The following CDV3 variants were observed in gnomAD, a reference collection of about 807,000 sequenced individuals.
CDV3 encodes protein CDV3 homolog.
A neutral mutation model predicts 24.5 loss-of-function variants in CDV3; 14 were observed. That is an observed-to-expected ratio of 0.57 (90% CI 0.38 to 0.89). The LOEUF (loss-of-function observed/expected upper bound fraction) is 0.89. CDV3 is among the 40% of genes least tolerant of loss of function. The pLI is 0.00. For synonymous variants in CDV3, 114 were observed against 114.1 expected, an observed-to-expected ratio of 1.00 and a Z score of 0.00; for missense variants, 304 against 310.2, an observed-to-expected ratio of 0.98 and a Z score of 0.15.
At chr3:133,579,610 T>C (rs1044945069) in intron 2 of CDV3, among the ~76,000 whole-genome samples, 2 of 152,010 alleles carry the variant, frequency 1.3e-5, no homozygotes, top group African/African-American at 4.8e-5. Flanking sequence ...TTTTTTTTTT[T>C]GATAGAGTTT....
At position 133,574,024 on chromosome 3, in the gene CDV3, C is replaced by T. The variant is rs1295900066; in HGVS notation, c.-21C>T. 6 of 1,103,010 alleles carry T rather than the reference C, an allele frequency of 5.4e-6. No individual in the cohort carries two copies. In the South Asian group the frequency reaches 1.5e-4, roughly 27 times the overall value. 68.3% of individuals were successfully genotyped at this position (1,103,010 alleles called of 1,614,324 possible). A position where few individuals can be genotyped will look rare whatever the true frequency, so the allele number is the denominator to read the frequency against. ...GCGCCCGCCGCCGGCCCCACCCATC[C>T]GGGTCGAGGAGGCCGAGGCCATGGC... On this transcript the variant is annotated 5_prime_UTR_variant, in exon 1 of 5. Transcript: ENST00000264993.
chr3:133,574,433 C>T, intron 1 of CDV3, 149 bp downstream of exon 1: 5 of 984,812 alleles, frequency 5.1e-6, no homozygotes, highest in Non-Finnish European at 6.0e-6. Flanking sequence ...CTCTCCACCT[C>T]GGGCTGGGCT....
Position 133,588,169 on chromosome 3 carries a change from C to T in CDV3, c.*123C>T, listed in dbSNP as rs554287265. 1.1e-4 allele frequency: 162 copies of T among 1,542,074 alleles called. 1 individual carries two copies. In the Admixed American group the frequency reaches 1.2e-3, roughly 12 times the overall value. On this transcript the variant is annotated 3_prime_UTR_variant, in exon 5 of 5. Transcript: ENST00000264993. ...GATGCAGACCACTCGATTTCATGACCGGCCCTATTGCACTATGGAAGTTAA... is the reference window on the plus strand; with the variant it reads ...GATGCAGACCACTCGATTTCATGACTGGCCCTATTGCACTATGGAAGTTAA...
At chr3:133,587,155 T>A in intron 4 of CDV3, 1 of 1,298,386 alleles carries the variant, frequency 7.7e-7, no homozygotes. Context: ...TAATCTTATT[T>A]CAGCAGGTAC....
intron 2 of CDV3, among the ~76,000 whole-genome samples, chr3:133,581,727 A>G (rs1238862943): frequency 6.6e-6 from 1 of 152,228 alleles, no homozygotes; most frequent in Non-Finnish European, 1.5e-5. Flanking sequence ...CATACATTCT[A>G]GCACCCAGAG....
intron 2 of CDV3, among the ~76,000 whole-genome samples, chr3:133,576,326 TC>T (rs1403991427): frequency 2.0e-5 from 3 of 151,720 alleles, no homozygotes; most frequent in African/African-American, 7.3e-5. Flanking sequence ...CTTGTTGGCT[TC>T]CTTAATGTGT....
chr3:133,586,843 GCT>G (rs1365056962), intron 4 of CDV3, 121 bp downstream of exon 4: 18 of 643,696 alleles, frequency 2.8e-5, no homozygotes, highest in African/African-American at 2.8e-4. Context: ...TAAAGCCTGA[GCT>G]TCAGCTGACA....
chr3:133,587,310 G>T (rs769896429), intron 4 of CDV3: 28 of 1,256,510 alleles, frequency 2.2e-5, no homozygotes, highest in Non-Finnish European at 2.7e-5. Flanking sequence ...GTGGCTTTTA[G>T]AATAAATCCC....
In CDV3 at chr3:133,574,179, G is replaced by C; in HGVS notation, c.135G>C (p.Ala45=). 1.9e-6 allele frequency: 2 copies of C among 1,040,164 alleles called. No homozygotes were observed. The highest frequency in any genetic ancestry group is 2.3e-6 in the Non-Finnish European group (2 of 868,758). 64.4% of individuals were successfully genotyped at this position (1,040,164 alleles called of 1,614,324 possible). The change falls in exon 1 of 5, where the codon GCG becomes GCC. Residue 45 remains alanine, a synonymous_variant. Transcript: ENST00000264993. ...AGSAGGSSGA[A]GAAGGGAGAG... ...GCGCCGGCGGAAGCAGTGGAGCCGC[G>C]GGTGCGGCGGGCGGCGGGGCGGGCG...
chr3:133,582,521 G>C (rs1055738642), intron 2 of CDV3, among the ~76,000 whole-genome samples: 3 of 152,236 alleles, frequency 2.0e-5, no homozygotes, highest in African/African-American at 7.2e-5. Flanking sequence ...AGACTGTCAA[G>C]CTAGTCAAGA....
At chr3:133,587,422 G>T in intron 4 of CDV3, 1 of 1,178,080 alleles carries the variant, frequency 8.5e-7, no homozygotes, top group Non-Finnish European at 1.1e-6. Context: ...GACCTTGGGA[G>T]GGCAGTGATT....
chr3:133,587,371 G>C, intron 4 of CDV3: 4 of 1,231,906 alleles, frequency 3.2e-6, no homozygotes, highest in Non-Finnish European at 4.1e-6. Context: ...AAACCTCCAC[G>C]TGGACTTGCT....
chr3:133,574,542 G>A (rs1373689912), intron 1 of CDV3: 7 of 986,032 alleles, frequency 7.1e-6, no homozygotes, highest in Non-Finnish European at 8.4e-6. Context: ...CCACCCTCCG[G>A]GGGCACTAGG....
chr3:133,579,559 T>A (rs2074938498), intron 2 of CDV3, among the ~76,000 whole-genome samples: 1 of 152,142 alleles, frequency 6.6e-6, no homozygotes, highest in Admixed American at 6.6e-5. Context: ...CTTCAATTCC[T>A]TCAATTGTTG....
At chr3:133,585,048 G>A (rs1933443628) in intron 3 of CDV3, among the ~76,000 whole-genome samples, 1 of 152,062 alleles carries the variant, frequency 6.6e-6, no homozygotes, top group Non-Finnish European at 1.5e-5. Flanking sequence ...ACTACTCTAT[G>A]TTAAATTTTT....
At position 133,586,849 on chromosome 3, in the gene CDV3, G is replaced by C. The variant is rs968579117; in HGVS notation, c.626+127G>C. The C allele has an allele frequency of 5.8e-5, 37 of 633,670 alleles. No homozygotes were observed. In the African/African-American group the frequency reaches 6.5e-4, roughly 11 times the overall value. 39.3% of individuals were successfully genotyped at this position (633,670 alleles called of 1,614,324 possible). A position where few individuals can be genotyped will look rare whatever the true frequency, so the allele number is the denominator to read the frequency against. On this transcript the variant is annotated intron_variant, in intron 4 of 4. Coordinates refer to ENST00000264993, the MANE Select transcript of CDV3 (RefSeq NM_017548.5). ...CTTAACTAATAAAGCCTGAGCTTCA[G>C]CTGACAGGCAGGTGAGAATCAGGGT...
intron 3 of CDV3, 137 bp downstream of exon 3, chr3:133,584,287 G>A: frequency 3.5e-6 from 2 of 571,478 alleles, no homozygotes; most frequent in South Asian, 3.0e-5. Context: ...AGTGGGATGT[G>A]TATATATCTT....
In CDV3 at chr3:133,588,350, C is replaced by G; in HGVS notation, c.*304C>G. The G allele has an allele frequency of 1.3e-6, 2 of 1,536,172 alleles. No individual in the cohort carries two copies. Among genetic ancestry groups the G allele is most frequent in the Non-Finnish European group, 1.7e-6 (2 of 1,146,854 alleles). On this transcript the variant is annotated 3_prime_UTR_variant, in exon 5 of 5. Transcript: ENST00000264993. ...GGTCATTTCAAAATCTTTTTATGTT[C>G]AGATACTGAGCCTTCATAAGGGTTG...
intron 1 of CDV3, 42 bp from the exon 2 acceptor site, chr3:133,574,997 C>G (rs574130356): frequency 1.6e-6 from 2 of 1,235,848 alleles, no homozygotes; most frequent in Non-Finnish European, 2.4e-6. Flanking sequence ...AGTTATATGT[C>G]TACAAATAGC....
Sources: gnomAD v4.1 joint callset for allele counts (sites outside exome capture counted in the v4.1 genomes callset) on GRCh38, gnomAD v4.1.1 for gene constraint, MANE v1.5 for transcripts, NCBI Gene and HGNC (gene_info 2026-07-23, HGNC 2026-07-21) for gene names.